Variants in RTP2 observed in about 807,000 individuals in gnomAD.
RTP2 encodes receptor transporter protein 2, also known as receptor-transporting protein 2.
In RTP2, 12 loss-of-function variants were observed where a neutral mutation model predicts 17.9. That is an observed-to-expected ratio of 0.67 (90% CI 0.43 to 1.09). The LOEUF (loss-of-function observed/expected upper bound fraction) is 1.09. Ranked by LOEUF, RTP2 falls within the 50% of genes least tolerant of loss-of-function variation. The pLI is 0.00. For synonymous variants in RTP2, 126 were observed against 117.7 expected, an observed-to-expected ratio of 1.07 and a Z score of -0.46; for missense variants, 327 against 295.7, an observed-to-expected ratio of 1.11 and a Z score of -0.78.
exon 2 of RTP2, chr3:187,698,449 C>T (rs745602600): frequency 8.0e-6 from 12 of 1,499,526 alleles, no homozygotes; most frequent in South Asian, 5.1e-5. Context: ...AGACTGTGTC[C>T]TCCCCACTCT....
At chr3:187,698,844 T>G in exon 2 of RTP2, 2 of 1,613,138 alleles carry the variant, frequency 1.2e-6, no homozygotes, top group Non-Finnish European at 1.7e-6. Context: ...GATGTTCTCC[T>G]CCAGCATGCT....
upstream of RTP2, among the ~76,000 whole-genome samples, chr3:187,705,687 T>C (rs1470766198): frequency 1.3e-5 from 2 of 152,160 alleles, no homozygotes; most frequent in African/African-American, 2.4e-5. Flanking sequence ...TTCCAAAGAC[T>C]GATGGGGATT....
the RTP2 span, among the ~76,000 whole-genome samples, chr3:187,709,160 G>A: frequency 6.6e-6 from 1 of 151,960 alleles, no homozygotes; most frequent in African/African-American, 2.4e-5. Flanking sequence ...GAATTTATTT[G>A]ATTAAAGAAT....
the RTP2 span, among the ~76,000 whole-genome samples, chr3:187,709,215 A>G: frequency 6.6e-6 from 1 of 152,100 alleles, no homozygotes; most frequent in East Asian, 1.9e-4. Context: ...AGTATCTCTA[A>G]TGTTTAAAAA....
chr3:187,698,782 C>T (rs1717759735), exon 2 of RTP2: 1 of 1,613,942 alleles, frequency 6.2e-7, no homozygotes. Flanking sequence ...CCACCATCCT[C>T]CTCGTAGCAC....
chr3:187,711,421 T>C, the RTP2 span, among the ~76,000 whole-genome samples: 22 of 152,340 alleles, frequency 1.4e-4, no homozygotes, highest in African/African-American at 5.3e-4. Flanking sequence ...CAGCTTTCCT[T>C]GTTTGACCCA....
chr3:187,699,729 C>CCACACACACACACA (rs1328615413), intron 1 of RTP2, among the ~76,000 whole-genome samples: 1 of 116,438 alleles, frequency 8.6e-6, no homozygotes, highest in African/African-American at 3.4e-5. Context: ...CATTGCCACT[C>CCACACACACACACA]CACACACACA....
chr3:187,698,306 T>C (rs1717738730), exon 2 of RTP2: 4 of 585,876 alleles, frequency 6.8e-6, no homozygotes, highest in Non-Finnish European at 8.9e-6. Flanking sequence ...CCCCCAATTA[T>C]TGTCACATCC....
chr3:187,698,262 A>C, exon 2 of RTP2: 1 of 497,718 alleles, frequency 2.0e-6, no homozygotes. Context: ...AATCCTGGCA[A>C]GCTCTAAAAC....
chr3:187,715,084 A>AG, the RTP2 span, among the ~76,000 whole-genome samples: 2 of 152,188 alleles, frequency 1.3e-5, no homozygotes, highest in Admixed American at 6.5e-5. Context: ...AATGGCCCCC[A>AG]GACTTCCATG....
At chr3:187,705,958 C>T (rs73043401), upstream of RTP2, among the ~76,000 whole-genome samples, 14 of 152,264 alleles carry the variant, frequency 9.2e-5, no homozygotes, top group African/African-American at 3.1e-4. Flanking sequence ...CATAAACAGG[C>T]AGTTAAAAGC....
At chr3:187,699,952 C>T (rs979972339) in intron 1 of RTP2, among the ~76,000 whole-genome samples, 13 of 152,148 alleles carry the variant, frequency 8.5e-5, no homozygotes, top group African/African-American at 3.1e-4. Flanking sequence ...ATGCAGCACT[C>T]CTGACCTCCA....
exon 1 of RTP2, chr3:187,702,233 C>G (rs532409533): frequency 8.5e-7 from 1 of 1,180,584 alleles, no homozygotes; most frequent in African/African-American, 1.5e-5. Context: ...GAATCCTCAT[C>G]GGCAGGACTG....
In RTP2 at chr3:187,699,026, A is replaced by G; in HGVS notation, c.165-15T>C. 2 of 1,565,178 alleles carry G rather than the reference A, an allele frequency of 1.3e-6. No homozygotes were observed. On this transcript the variant is annotated splice_polypyrimidine_tract_variant and intron_variant, in intron 1 of 1. Coordinates refer to ENST00000358241, the Ensembl canonical transcript of RTP2. ...AGCAGTGGAACCTGCCGGGAGGAGA[A>G]GGAGGGGTGGAGAAGGTGGGCATCC...
At chr3:187,709,101 C>T in the RTP2 span, among the ~76,000 whole-genome samples, 1 of 152,040 alleles carries the variant, frequency 6.6e-6, no homozygotes, top group African/African-American at 2.4e-5. Flanking sequence ...CTCTTTGTCC[C>T]ACTCTCCCTG....
chr3:187,704,651 C>A (rs1717945076), upstream of RTP2, among the ~76,000 whole-genome samples: 1 of 152,216 alleles, frequency 6.6e-6, no homozygotes, highest in Admixed American at 6.5e-5. Flanking sequence ...CAAGGTGTGT[C>A]CTATCTTCTC....
upstream of RTP2, among the ~76,000 whole-genome samples, chr3:187,705,071 C>T (rs944311498): frequency 2.0e-5 from 3 of 151,728 alleles, no homozygotes; most frequent in African/African-American, 4.8e-5. Context: ...TCCTTTTTTC[C>T]GGGTCTTATT....
Position 187,698,545 on chromosome 3 carries a change from GC to G in RTP2, c.630del (p.Leu211SerfsTer20), listed in dbSNP as rs1717747443. 1 of 1,613,948 alleles carries G rather than the reference GC, an allele frequency of 6.2e-7. No homozygotes were observed. The highest frequency in any genetic ancestry group is 1.3e-5 in the African/African-American group (1 of 75,054). The stretch of plus-strand genomic sequence containing the variant: ...AAGGAGAACTGCAGGTAAACAACGA[GC>G]AGGCAGAGAGAGGCCCAGAAGAGGC... On this transcript the variant is annotated frameshift_variant, in exon 2 of 2. Coordinates refer to ENST00000358241, the Ensembl canonical transcript of RTP2. LOFTEE classifies it high-confidence loss of function.
At chr3:187,715,690 T>C in the RTP2 span, 1 of 457,008 alleles carries the variant, frequency 2.2e-6, no homozygotes, top group Non-Finnish European at 4.4e-6. Flanking sequence ...AGAAGCAGAA[T>C]GTCTGAAATC....
Sources: allele counts gnomAD v4.1 joint callset (sites outside exome capture counted in the v4.1 genomes callset), GRCh38; gene constraint gnomAD v4.1.1; transcripts MANE v1.5; gene names NCBI Gene and HGNC (gene_info 2026-07-23, HGNC 2026-07-21).